PTPRG: variants seen among roughly 807,000 people sequenced by gnomAD.
The protein encoded by PTPRG is protein tyrosine phosphatase receptor type G.
In PTPRG, 102 loss-of-function variants were observed where a neutral mutation model predicts 165.3. The ratio of observed to expected loss-of-function variants is 0.62; its 90% CI spans 0.53 to 0.73. The LOEUF (loss-of-function observed/expected upper bound fraction) is 0.73, where lower values mean the gene tolerates loss of function less well. PTPRG is among the 30% of genes least tolerant of loss of function. The probability of loss-of-function intolerance (pLI) is 0.00; values close to 1 mark genes in which losing one functional copy is unlikely to be tolerated. For synonymous variants in PTPRG, 675 were observed against 669.5 expected, an observed-to-expected ratio of 1.01 and a Z score of -0.13; for missense variants, 1,866 against 1,861.4, an observed-to-expected ratio of 1.00 and a Z score of -0.05.
At chr3:62,278,967 G>GGACCAAATA in intron 26 of PTPRG, among the ~76,000 whole-genome samples, 1 of 152,084 alleles carries the variant, frequency 6.6e-6, no homozygotes, top group Middle Eastern at 3.4e-3. Context: ...GAGGGAGACT[G>GGACCAAATA]GACCAAATAA....
intron 1 of PTPRG, among the ~76,000 whole-genome samples, chr3:61,583,563 C>T (rs1422337888): frequency 6.6e-6 from 1 of 152,168 alleles, no homozygotes; most frequent in African/African-American, 2.4e-5. Context: ...ACATTCTTTG[C>T]TAATAGGACC....
At chr3:61,799,026 A>T (rs1217264926) in intron 2 of PTPRG, among the ~76,000 whole-genome samples, 1 of 151,914 alleles carries the variant, frequency 6.6e-6, no homozygotes, top group East Asian at 1.9e-4. Context: ...AAACATTAAA[A>T]ATTTTTTTTT....
At chr3:61,713,594 G>T (rs1181397011) in intron 1 of PTPRG, among the ~76,000 whole-genome samples, 1 of 152,008 alleles carries the variant, frequency 6.6e-6, no homozygotes, top group Non-Finnish European at 1.5e-5. Context: ...TTAAATTCAG[G>T]TTATTCCAAT....
At chr3:61,968,598 C>G (rs944115196) in intron 2 of PTPRG, among the ~76,000 whole-genome samples, 2 of 152,132 alleles carry the variant, frequency 1.3e-5, no homozygotes, top group South Asian at 2.1e-4. Context: ...GCCATTGTAT[C>G]CTTGCCACTG....
At chr3:61,936,107 G>A (rs1335576156) in intron 2 of PTPRG, among the ~76,000 whole-genome samples, 1 of 152,154 alleles carries the variant, frequency 6.6e-6, no homozygotes, top group East Asian at 1.9e-4. Flanking sequence ...TGCAATACAA[G>A]GCACCATCTT....
chr3:61,774,132 A>G (rs550992265), intron 2 of PTPRG, among the ~76,000 whole-genome samples: 36 of 152,260 alleles, frequency 2.4e-4, no homozygotes, highest in African/African-American at 8.7e-4. Context: ...GTCCTTTCCC[A>G]AAGTTGACCG....
chr3:62,201,632 G>C (rs1430296830), intron 11 of PTPRG, 78 bp downstream of exon 11: 1 of 1,420,270 alleles, frequency 7.0e-7, no homozygotes, highest in Non-Finnish European at 9.9e-7. Context: ...CCACGAAGTG[G>C]CAGTATAATG....
intron 5 of PTPRG, among the ~76,000 whole-genome samples, chr3:62,116,954 T>G (rs1007781100): frequency 1.3e-5 from 2 of 152,166 alleles, no homozygotes; most frequent in African/African-American, 4.8e-5. Context: ...GGCAATAATT[T>G]TAAAATAATT....
rs1701296984 is a variant in PTPRG at position 62,074,145 on chromosome 3, C to T, written c.520-4018C>T. Among the ~76,000 whole-genome samples the T allele has an allele frequency of 4.6e-5, 7 of 151,028 alleles. No homozygotes were observed. In the South Asian group the frequency reaches 1.5e-3, roughly 32 times the overall value. ...AGTGGTAAAGGGGCCTATTATCTCCCATTTGCTCCCAGATGATTGAGGAAA... is the reference window on the plus strand; with the variant it reads ...AGTGGTAAAGGGGCCTATTATCTCCTATTTGCTCCCAGATGATTGAGGAAA... On this transcript the variant is annotated intron_variant, in intron 4 of 29. Coordinates refer to ENST00000474889, the MANE Select transcript of PTPRG (RefSeq NM_002841.4).
chr3:61,838,627 C>A (rs751096662), intron 2 of PTPRG, among the ~76,000 whole-genome samples: 23 of 152,074 alleles, frequency 1.5e-4, no homozygotes, highest in Non-Finnish European at 2.5e-4. Context: ...GTATTTGGAC[C>A]TTTTGAACGA....
intron 2 of PTPRG, among the ~76,000 whole-genome samples, chr3:61,944,311 G>T (rs2039702874): frequency 6.6e-6 from 1 of 152,182 alleles, no homozygotes; most frequent in Admixed American, 6.5e-5. Flanking sequence ...ACATATTGAT[G>T]TCCCTGTGAT....
chr3:61,850,440 C>T (rs181390213), intron 2 of PTPRG, among the ~76,000 whole-genome samples: 5 of 152,270 alleles, frequency 3.3e-5, no homozygotes, highest in Admixed American at 6.5e-5. Flanking sequence ...GGATTACAGG[C>T]GTGAGCCGCT....
At chr3:61,867,993 T>A (rs908378556) in intron 2 of PTPRG, among the ~76,000 whole-genome samples, 1 of 152,176 alleles carries the variant, frequency 6.6e-6, no homozygotes, top group Admixed American at 6.5e-5. Flanking sequence ...GTGTTCCTTA[T>A]AACCTTGGCC....
rs990158360 is a variant in PTPRG, at chr3:62,224,001, A to G, written c.2288+5018A>G. On this transcript the variant is annotated intron_variant, in intron 13 of 29. Transcript: ENST00000474889. This position sits in a 1 kb window ranked among gnomAD's most constrained non-coding sequence, Gnocchi z 4.9. ...AACTCATCTGTTTAGAGCTAAATAT[A>G]GCATAAATGTAGGTTAACCAACTGA... Among the ~76,000 whole-genome samples the G allele has an allele frequency of 1.3e-5, 2 of 152,224 alleles. No individual in the cohort carries two copies. Among genetic ancestry groups the G allele is most frequent in the African/African-American group, 4.8e-5 (2 of 41,456 alleles).
chr3:61,770,763 T>G (rs2034183960), intron 2 of PTPRG: 1 of 152,210 alleles, frequency 6.6e-6, no homozygotes, highest in African/African-American at 2.4e-5. Flanking sequence ...ACTTTCAAAT[T>G]CATATTTTAA....
intron 2 of PTPRG, among the ~76,000 whole-genome samples, chr3:61,815,779 C>T (rs1186272010): frequency 1.1e-4 from 16 of 152,186 alleles, no homozygotes; most frequent in Admixed American, 7.2e-4. Flanking sequence ...CTGTAAAGCA[C>T]CTGTTACATG....
chr3:61,819,051 G>T (rs1245161587), intron 2 of PTPRG, among the ~76,000 whole-genome samples: 1 of 152,098 alleles, frequency 6.6e-6, no homozygotes, highest in Non-Finnish European at 1.5e-5. Flanking sequence ...CCAGCAAAAA[G>T]ACTCTGTCAC....
chr3:62,191,344 G>A, intron 8 of PTPRG, 125 bp from the exon 9 acceptor site: 4 of 750,568 alleles, frequency 5.3e-6, no homozygotes, highest in Non-Finnish European at 8.5e-6. Flanking sequence ...GAGGACCCAG[G>A]AGAAGGGAGC....
intron 16 of PTPRG, chr3:62,260,839 C>T (rs1366221650): frequency 6.6e-6 from 1 of 152,100 alleles, no homozygotes; most frequent in Non-Finnish European, 1.5e-5. Context: ...AATCAGAAGG[C>T]CTCAGGCAAA....
Sources: gnomAD v4.1 joint callset for allele counts (sites outside exome capture counted in the v4.1 genomes callset) on GRCh38, gnomAD v4.1.1 for gene constraint, Gnocchi (gnomAD v3.1) non-coding constraint, MANE v1.5 for transcripts, NCBI Gene and HGNC (gene_info 2026-07-23, HGNC 2026-07-21) for gene names.